CPEB2: variants seen among roughly 807,000 people sequenced by gnomAD.
The protein encoded by CPEB2 is cytoplasmic polyadenylation element-binding protein 2.
In CPEB2, 56 loss-of-function variants were observed where a neutral mutation model predicts 93.6. The observed-to-expected ratio is 0.60, with a 90% CI of 0.48 to 0.75. CPEB2 has a LOEUF of 0.75. Among genes scored for constraint, CPEB2 ranks in the 30% least tolerant of loss-of-function variants. The pLI, the probability that CPEB2 is intolerant of heterozygous loss-of-function variation, is 0.00. For synonymous variants in CPEB2, 764 were observed against 586.3 expected (o/e 1.30, Z -4.38); for missense variants, 1,579 against 1,395.1 (o/e 1.13, Z -2.10).
chr4:15,065,761 G>C (rs1729647362), intron 11 of CPEB2, among the ~76,000 whole-genome samples: 1 of 152,086 alleles, frequency 6.6e-6, no homozygotes, highest in Non-Finnish European at 1.5e-5. Flanking sequence ...GCAGTGGAGA[G>C]GCGCCGCCTT....
At chr4:15,026,948 T>G (rs1725539373) in intron 4 of CPEB2, among the ~76,000 whole-genome samples, 1 of 152,208 alleles carries the variant, frequency 6.6e-6, no homozygotes, top group African/African-American at 2.4e-5. Flanking sequence ...AATATTTTGT[T>G]GCCCATTTGC....
intron 5 of CPEB2, among the ~76,000 whole-genome samples, chr4:15,039,646 GA>G (rs987710925): frequency 6.6e-6 from 1 of 151,690 alleles, no homozygotes; most frequent in Non-Finnish European, 1.5e-5. Flanking sequence ...AGTTTCTTAT[GA>G]AAAAGAAATT....
intron 2 of CPEB2, 71 bp downstream of exon 2, chr4:15,007,657 T>C (rs1723004738): frequency 1.0e-6 from 1 of 974,854 alleles, no homozygotes; most frequent in African/African-American, 1.7e-5. Context: ...GTGGTGGTGG[T>C]AGTGGTATGC....
rs1410689045 is a variant in CPEB2 at position 15,066,598 on chromosome 4, G to A, written c.*218G>A. 1.9e-6 allele frequency: 1 copy of A among 514,768 alleles called. No individual in the cohort carries two copies. 31.9% of individuals were successfully genotyped at this position (514,768 alleles called of 1,614,324 possible). On this transcript the variant is annotated 3_prime_UTR_variant, in exon 12 of 12. Transcript: ENST00000538197. ...TTACTAATTTTTGTGATATTTTCAT[G>A]TTCAAATAAAATGTTTTTTTGTATT...
chr4:15,024,957 A>G (rs1725281562), intron 4 of CPEB2, among the ~76,000 whole-genome samples: 1 of 151,660 alleles, frequency 6.6e-6, no homozygotes, highest in African/African-American at 2.4e-5. Context: ...TGTTTGGCCA[A>G]GCTGGTCTCG....
In CPEB2 at chr4:15,027,944, T is replaced by A. The variant is rs577982376; in HGVS notation, c.2126-5217T>A. Reference sequence around the variant, plus strand: ...TGTCTGCATTTCAACTGCTAGTAAGTGGTGGAACTTGGTAGCTTTGAGTTT... The same window carrying A: ...TGTCTGCATTTCAACTGCTAGTAAGAGGTGGAACTTGGTAGCTTTGAGTTT... On this transcript the variant is annotated intron_variant, in intron 4 of 11. Coordinates refer to ENST00000538197, the MANE Select transcript of CPEB2 (RefSeq NM_001177382.2). 2.5e-3 allele frequency among the ~76,000 whole-genome samples: 388 copies of A among 152,324 alleles called. 1 individual carries two copies. The highest frequency in any genetic ancestry group is 3.9e-3 in the Non-Finnish European group (264 of 68,016).
chr4:15,055,883 C>T (rs1265965641), intron 8 of CPEB2, among the ~76,000 whole-genome samples: 1 of 152,082 alleles, frequency 6.6e-6, no homozygotes, highest in Non-Finnish European at 1.5e-5. Flanking sequence ...ATATTCCCTA[C>T]TTATCTTTTG....
chr4:15,007,303 A>G lies in CPEB2; in HGVS notation c.1663-2A>G, dbSNP rs778435602. The G allele has an allele frequency of 6.8e-7, 1 of 1,467,268 alleles. No individual in the cohort carries two copies. Among genetic ancestry groups the G allele is most frequent in the South Asian group, 1.5e-5 (1 of 66,046 alleles). 90.9% of individuals were successfully genotyped at this position (1,467,268 alleles called of 1,614,324 possible). A position where few individuals can be genotyped will look rare whatever the true frequency, so the allele number is the denominator to read the frequency against. On this transcript the variant is annotated splice_acceptor_variant, in intron 1 of 11. Transcript: ENST00000538197. LOFTEE classifies it high-confidence loss of function. The stretch of plus-strand genomic sequence containing the variant: ...CAATTTAAATAGCTATGTTTTCCCT[A>G]GCCTCTTCTGAAACAGTCTCCCTGG...
At chr4:15,046,598 C>G (rs1289877756) in intron 6 of CPEB2, among the ~76,000 whole-genome samples, 1 of 152,132 alleles carries the variant, frequency 6.6e-6, no homozygotes. Flanking sequence ...TTGCAGTTTC[C>G]TGATGACTAA....
At chr4:15,044,898 C>G (rs1387588981) in intron 6 of CPEB2, among the ~76,000 whole-genome samples, 1 of 152,138 alleles carries the variant, frequency 6.6e-6, no homozygotes, top group Non-Finnish European at 1.5e-5. Context: ...TCTTCCTTCT[C>G]TTATTACTTC....
intron 6 of CPEB2, among the ~76,000 whole-genome samples, chr4:15,045,540 G>T (rs1182900679): frequency 6.6e-6 from 1 of 152,076 alleles, no homozygotes; most frequent in East Asian, 1.9e-4. Context: ...ACAATGCAGA[G>T]AAATGAAGTG....
chr4:15,035,041 A>ATAG (rs1446634778), intron 5 of CPEB2, among the ~76,000 whole-genome samples: 1 of 152,208 alleles, frequency 6.6e-6, no homozygotes. Flanking sequence ...ATTGTATCTC[A>ATAG]TAGTACGTAG....
intron 5 of CPEB2, among the ~76,000 whole-genome samples, chr4:15,034,784 T>G (rs186848185): frequency 1.4e-4 from 21 of 152,242 alleles, no homozygotes; most frequent in Non-Finnish European, 2.8e-4. Context: ...TCGGGAATAT[T>G]TGTGGGTTAA....
Position 15,003,183 on chromosome 4 carries a change from G to A in CPEB2, c.510G>A (p.Gln170=). ...TSSPQDFSKR[Q]QQQLSSQKRK... Reference sequence around the variant, plus strand: ...CCCCGCAGGACTTCAGTAAGCGGCAGCAGCAGCAGCTGAGCAGCCAGAAGA... The same window carrying A: ...CCCCGCAGGACTTCAGTAAGCGGCAACAGCAGCAGCTGAGCAGCCAGAAGA... Residue 170 remains glutamine (Q), a synonymous_variant, in exon 1 of 12, where the codon CAG becomes CAA. Coordinates refer to ENST00000538197, the MANE Select transcript of CPEB2 (RefSeq NM_001177382.2). 1 of 1,534,096 alleles carries A rather than the reference G, an allele frequency of 6.5e-7. No individual in the cohort carries two copies. The highest frequency in any genetic ancestry group is 8.7e-7 in the Non-Finnish European group (1 of 1,146,238).
chr4:15,054,911 C>T (rs185189360), intron 8 of CPEB2, among the ~76,000 whole-genome samples: 41 of 152,110 alleles, frequency 2.7e-4, no homozygotes, highest in Non-Finnish European at 5.6e-4. Context: ...AAGATTAAGA[C>T]TTTACTTTAA....
intron 4 of CPEB2, among the ~76,000 whole-genome samples, chr4:15,021,417 A>G (rs1724799911): frequency 6.6e-6 from 1 of 152,158 alleles, no homozygotes; most frequent in African/African-American, 2.4e-5. Flanking sequence ...TTTTTAATAT[A>G]TGTGTATATA....
chr4:15,008,284 G>C (rs1048677663), intron 2 of CPEB2, 54 bp from the exon 3 acceptor site: 3 of 1,168,532 alleles, frequency 2.6e-6, no homozygotes, highest in Non-Finnish European at 3.9e-6. Context: ...TTCGTTGGGT[G>C]GGTATGGGGA....
At chr4:15,029,289 A>G (rs940506688) in intron 4 of CPEB2, among the ~76,000 whole-genome samples, 1 of 152,022 alleles carries the variant, frequency 6.6e-6, no homozygotes, top group African/African-American at 2.4e-5. Context: ...TCTTGGTTGA[A>G]TCCCATGAAT....
In CPEB2 at chr4:15,004,068, C is replaced by T; in HGVS notation, c.1395C>T (p.Phe465=). ...TGAACCCGGCCTTCTTCCCTAGCTT[C>T]TCGCCCGTGTCGCCGCACGGCTGCA... ...SSMNPAFFPS[F]SPVSPHGCTG... The change falls in exon 1 of 12, where the codon TTC becomes TTT. Residue 465 remains phenylalanine (F), a synonymous_variant. Transcript: ENST00000538197. The T allele has an allele frequency of 3.2e-6, 5 of 1,567,016 alleles. No individual in the cohort carries two copies. The highest frequency in any genetic ancestry group is 3.4e-6 in the Non-Finnish European group (4 of 1,159,518).
Sources: gnomAD v4.1 joint callset for allele counts (sites outside exome capture counted in the v4.1 genomes callset) on GRCh38, gnomAD v4.1.1 for gene constraint, MANE v1.5 for transcripts, NCBI Gene and HGNC (gene_info 2026-07-23, HGNC 2026-07-21) for gene names.